LNX2: variants seen among roughly 807,000 people sequenced by gnomAD.
LNX2 encodes the protein ligand of numb-protein X 2.
Under a neutral mutation model 66.2 loss-of-function variants are expected in LNX2, and 35 were observed. The observed-to-expected ratio is 0.53, with a 90% CI of 0.40 to 0.70. LNX2 has a LOEUF of 0.70. LNX2 is among the 30% of genes least tolerant of loss of function. LNX2 has a pLI of 0.00. For missense variants in LNX2, 791 were observed against 850.8 expected, an observed-to-expected ratio of 0.93 and a Z score of 0.87; for synonymous variants, 337 against 315.6, an observed-to-expected ratio of 1.07 and a Z score of -0.72.
chr13:27,551,154 G>A (rs192548579), intron 8 of LNX2, among the ~76,000 whole-genome samples: 215 of 151,992 alleles, frequency 1.4e-3, no homozygotes, highest in African/African-American at 4.7e-3. Flanking sequence ...TGGGTACAGC[G>A]TCATGTGTCT....
chr13:27,615,309 T>A (rs1317635289), intron 1 of LNX2, among the ~76,000 whole-genome samples: 1 of 152,168 alleles, frequency 6.6e-6, no homozygotes, highest in African/African-American at 2.4e-5. Context: ...ACAAAGGATA[T>A]AGATGAAGAG....
intron 2 of LNX2, among the ~76,000 whole-genome samples, chr13:27,571,861 T>C (rs1031278322): frequency 9.2e-5 from 14 of 152,212 alleles, no homozygotes; most frequent in Non-Finnish European, 1.8e-4. Flanking sequence ...GTGGAGTGCC[T>C]AATTTGTGCC....
intron 2 of LNX2, among the ~76,000 whole-genome samples, chr13:27,575,423 A>G (rs1208330504): frequency 1.3e-5 from 2 of 152,220 alleles, no homozygotes; most frequent in African/African-American, 4.8e-5. Context: ...TGGACTCCAT[A>G]AAGTATAAAG....
rs146751050 is a variant in LNX2 at position 27,553,292 on chromosome 13, G to A, written c.1694C>T (p.Ala565Val). 730 of 1,614,104 alleles carry A rather than the reference G, an allele frequency of 4.5e-4. 1 individual carries two copies. Among genetic ancestry groups the A allele is most frequent in the Non-Finnish European group, 5.3e-4 (629 of 1,180,018 alleles). The change falls in exon 8 of 10, where the codon GCG becomes GTG. Residue 565 changes from alanine (A) to valine (V), a missense_variant. Physicochemically the swap from Ala to Val is moderately conservative, Grantham distance 64 (BLOSUM62 0). Coordinates refer to ENST00000316334, the MANE Select transcript of LNX2 (RefSeq NM_153371.4). ...GCTGAAAGTACTCGGCTGCTCCTCC[G>A]CGTTCTGAGTCGCCTCCTCAACAAT... is the stretch of plus-strand genomic sequence containing the variant. Reference protein sequence around the residue: ...VQIVEEATQNAEEQPSTFSEN... With the variant: ...VQIVEEATQNVEEQPSTFSEN...
At position 27,581,450 on chromosome 13, in the gene LNX2, G is replaced by A; in HGVS notation, c.254C>T (p.Pro85Leu). ...AAAATGAAGTCTTTTCCGGTCCAACGGACAGAAATCTTTCTCTTGTAAAAA... is the reference window on the plus strand; with the variant it reads ...AAAATGAAGTCTTTTCCGGTCCAACAGACAGAAATCTTTCTCTTGTAAAAA... ...RNFLQEKDFC[P>L]LDRKRLHFKL... Residue 85 changes from proline (P) to leucine (L), a missense_variant, in exon 2 of 10, where the codon CCG becomes CTG. Physicochemically the swap from Pro to Leu is moderately conservative, Grantham distance 98 (BLOSUM62 -3). Transcript: ENST00000316334. The A allele has an allele frequency of 2.5e-6, 4 of 1,610,752 alleles. No homozygotes were observed. Among genetic ancestry groups the A allele is most frequent in the South Asian group, 2.2e-5 (2 of 90,928 alleles).
chr13:27,606,228 G>C (rs1441464810), intron 1 of LNX2, among the ~76,000 whole-genome samples: 1 of 152,046 alleles, frequency 6.6e-6, no homozygotes, highest in African/African-American at 2.4e-5. Flanking sequence ...TACCAAATAT[G>C]TTTTATTTCA....
intron 5 of LNX2, 121 bp downstream of exon 5, chr13:27,562,292 C>T (rs1317272525): frequency 4.8e-6 from 6 of 1,254,212 alleles, no homozygotes; most frequent in Non-Finnish European, 6.6e-6. Flanking sequence ...GGTAGCCACA[C>T]CCGATTTTCT....
At chr13:27,562,325 G>A in intron 5 of LNX2, 88 bp downstream of exon 5, 1 of 1,454,280 alleles carries the variant, frequency 6.9e-7, no homozygotes, top group Non-Finnish European at 9.3e-7. Flanking sequence ...AATGTCCCCT[G>A]AATTCTGATG....
At chr13:27,597,747 A>G (rs1284649989) in intron 1 of LNX2, among the ~76,000 whole-genome samples, 2 of 152,182 alleles carry the variant, frequency 1.3e-5, no homozygotes, top group Non-Finnish European at 2.9e-5. Context: ...GGATTTGAGC[A>G]ACATTTTAGG....
intron 1 of LNX2, among the ~76,000 whole-genome samples, chr13:27,601,691 ATT>A (rs1313340922): frequency 6.6e-6 from 1 of 152,094 alleles, no homozygotes; most frequent in East Asian, 1.9e-4. Flanking sequence ...ATTTTTTAAA[ATT>A]TTTATTTTTA....
At chr13:27,550,184 A>C in intron 9 of LNX2, 149 bp downstream of exon 9, 1 of 618,722 alleles carries the variant, frequency 1.6e-6, no homozygotes, top group Admixed American at 3.0e-5. Context: ...GCCAGAGAGT[A>C]CATAAACCAG....
chr13:27,583,214 G>A lies in LNX2; in HGVS notation c.-100-1411C>T, dbSNP rs1408992230. ...TGTGTGTGTGTGTGTGTGTGTGTGT[G>A]TGTGTGTGTGTGTGTGTGTGTGTGT... On this transcript the variant is annotated intron_variant, in intron 1 of 9. Transcript: ENST00000316334. Among the ~76,000 whole-genome samples, 6 of 16,928 alleles carry A rather than the reference G, an allele frequency of 3.5e-4. No individual in the cohort carries two copies. In the East Asian group the frequency reaches 7.4e-3, roughly 21 times the overall value. 11.1% of individuals were successfully genotyped at this position (16,928 alleles called of 152,430 possible). A position where few individuals can be genotyped will look rare whatever the true frequency, so the allele number is the denominator to read the frequency against.
intron 1 of LNX2, among the ~76,000 whole-genome samples, chr13:27,583,583 C>A (rs1216855920): frequency 6.6e-6 from 1 of 152,102 alleles, no homozygotes. Context: ...GAGCAGCCTC[C>A]TCCAGGGTAG....
rs1309804664 is a variant in LNX2, at chr13:27,548,281, T to C, written c.*54A>G. On this transcript the variant is annotated 3_prime_UTR_variant, in exon 10 of 10. Coordinates refer to ENST00000316334, the MANE Select transcript of LNX2 (RefSeq NM_153371.4). Reference sequence around the variant, plus strand: ...CAAACACAATGAAACCAAAGGGTTTTCTTTCAAAAATCTAAAAAAGGAAGA... The same window carrying C: ...CAAACACAATGAAACCAAAGGGTTTCCTTTCAAAAATCTAAAAAAGGAAGA... 29 of 1,573,096 alleles carry C rather than the reference T, an allele frequency of 1.8e-5. 2 individuals carry two copies. The South Asian group carries it at 2.8e-4, about 15-fold the overall frequency.
chr13:27,553,339 G>C lies in LNX2; in HGVS notation c.1647C>G (p.Ala549=), dbSNP rs528451386. The C allele has an allele frequency of 3.7e-6, 6 of 1,614,132 alleles. 1 individual carries two copies. The Admixed American group carries it at 1.0e-4, about 27-fold the overall frequency. Residue 549 remains alanine, a synonymous_variant, in exon 8 of 10, where the codon GCC becomes GCG. Transcript: ENST00000316334. ...LKASAASPAV[A]LKALEVQIVE... is the part of the protein sequence containing the mutation. ...CAATCTGGACCTCAAGTGCTTTAAG[G>C]GCAACAGCAGGGGACGCGGCACTGG...
At chr13:27,617,092 T>C (rs1488242968) in intron 1 of LNX2, among the ~76,000 whole-genome samples, 6 of 152,190 alleles carry the variant, frequency 3.9e-5, no homozygotes, top group African/African-American at 1.2e-4. Context: ...ATACACAAAA[T>C]AGCCACCTTT....
intron 1 of LNX2, among the ~76,000 whole-genome samples, chr13:27,608,341 C>T (rs1955739609): frequency 6.6e-6 from 1 of 152,096 alleles, no homozygotes; most frequent in South Asian, 2.1e-4. Context: ...TTTCTGAGAA[C>T]AAGAACTTCT....
At chr13:27,572,402 T>A (rs1469561013) in intron 2 of LNX2, among the ~76,000 whole-genome samples, 1 of 152,094 alleles carries the variant, frequency 6.6e-6, no homozygotes, top group African/African-American at 2.4e-5. Context: ...TAGATTGAGG[T>A]AGGCACATGC....
Position 27,609,637 on chromosome 13 carries a change from A to G in LNX2, c.-101+10738T>C, listed in dbSNP as rs994108803. 2.0e-5 allele frequency among the ~76,000 whole-genome samples: 3 copies of G among 152,378 alleles called. No individual in the cohort carries two copies. The East Asian group carries it at 5.8e-4, about 29-fold the overall frequency. ...CATGCAGAGCAACTGTGTTACAGGT[A>G]ATCATTTTATAGGAAAAAAGTTAAT... is the stretch of plus-strand genomic sequence containing the variant. On this transcript the variant is annotated intron_variant, in intron 1 of 9. Transcript: ENST00000316334.
Sources: gnomAD v4.1 joint callset for allele counts (sites outside exome capture counted in the v4.1 genomes callset) on GRCh38, gnomAD v4.1.1 for gene constraint, MANE v1.5 for transcripts, NCBI Gene and HGNC (gene_info 2026-07-23, HGNC 2026-07-21) for gene names.